The following RBM25 variants were observed in gnomAD, a reference collection of about 807,000 sequenced individuals.
The protein encoded by RBM25 is RNA binding motif protein 25, also known as RNA-binding protein 25.
Under a neutral mutation model 120.7 loss-of-function variants are expected in RBM25, and 19 were observed. The ratio of observed to expected loss-of-function variants is 0.16; its 90% confidence interval spans 0.11 to 0.23. RBM25 has a LOEUF of 0.23. Ranked by LOEUF, RBM25 falls within the 10% of genes least tolerant of loss-of-function variation. RBM25 has a pLI of 1.00. For synonymous variants in RBM25, 390 were observed against 326.7 expected (o/e 1.19, Z -2.09); for missense variants, 605 against 1,041.5 (o/e 0.58, Z 5.77).
intron 14 of RBM25, 109 bp downstream of exon 14, chr14:73,109,601 G>A (rs1896263059): frequency 2.0e-6 from 2 of 1,012,242 alleles, no homozygotes; most frequent in Non-Finnish European, 2.9e-6. Context: ...AGATCATCCT[G>A]GCTAACACGG....
Position 73,118,324 on chromosome 14 carries a change from A to G in RBM25, c.2440-1389A>G, listed in dbSNP as rs189313958. ...GACCCTGTCTCTACTAAAAAGCACA[A>G]AAATGTAGCCAGGAGTAGTGGTGCA... On this transcript the variant is annotated intron_variant, in intron 18 of 18. Transcript: ENST00000261973. Among the ~76,000 whole-genome samples, 129 of 152,150 alleles carry G rather than the reference A, an allele frequency of 8.5e-4. 1 individual carries two copies. Among genetic ancestry groups the G allele is most frequent in the East Asian group, 7.7e-4 (4 of 5,168 alleles).
rs1896549582 is a variant in RBM25, at chr14:73,122,133, T to C, written c.*2328T>C. The C allele has an allele frequency of 1.3e-5, 2 of 152,354 alleles. No individual in the cohort carries two copies. The highest frequency in any genetic ancestry group is 2.1e-4 in the South Asian group (1 of 4,828). 9.4% of individuals were successfully genotyped at this position (152,354 alleles called of 1,614,324 possible). A position where few individuals can be genotyped will look rare whatever the true frequency, so the allele number is the denominator to read the frequency against. Reference sequence around the variant, plus strand: ...TGAAAATACACATAAGAAATTTCTATTAAGTTGCTTGAACTTTGTGGGTTA... The same window carrying C: ...TGAAAATACACATAAGAAATTTCTACTAAGTTGCTTGAACTTTGTGGGTTA... On this transcript the variant is annotated 3_prime_UTR_variant, in exon 19 of 19. Transcript: ENST00000261973.
chr14:73,088,330 G>A (rs1895736707), intron 6 of RBM25, 169 bp downstream of exon 6: 1 of 863,112 alleles, frequency 1.2e-6, no homozygotes, highest in Non-Finnish European at 1.9e-6. Context: ...AGTCTTATCT[G>A]CCCATAGTGG....
At chr14:73,087,485 T>A (rs991678940) in intron 5 of RBM25, among the ~76,000 whole-genome samples, 7 of 149,772 alleles carry the variant, frequency 4.7e-5, no homozygotes, top group Admixed American at 1.4e-4. Flanking sequence ...AACCTCCGCC[T>A]CCTGGGTTCA....
chr14:73,085,863 A>G (rs1164392425), intron 5 of RBM25, among the ~76,000 whole-genome samples: 1 of 152,146 alleles, frequency 6.6e-6, no homozygotes, highest in Non-Finnish European at 1.5e-5. Flanking sequence ...TTTCTTTTGA[A>G]TTATTGTGAA....
At chr14:73,100,893 T>C (rs1896042790) in intron 9 of RBM25, 1 of 152,256 alleles carries the variant, frequency 6.6e-6, no homozygotes, top group Non-Finnish European at 1.5e-5. Flanking sequence ...TTTAGATGAA[T>C]AATTTTGGTT....
At chr14:73,114,128 G>A (rs1055053133) in intron 17 of RBM25, among the ~76,000 whole-genome samples, 158 bp from the exon 18 acceptor site, 14 of 151,764 alleles carry the variant, frequency 9.2e-5, no homozygotes, top group South Asian at 6.2e-4. Flanking sequence ...TGCCTCTTTC[G>A]TTGAAGAATG....
At chr14:73,098,096 A>G (rs1276365738) in intron 7 of RBM25, among the ~76,000 whole-genome samples, 3 of 152,106 alleles carry the variant, frequency 2.0e-5, no homozygotes, top group Non-Finnish European at 4.4e-5. Context: ...ACCCTTCTAT[A>G]AAGTAAGAAA....
intron 1 of RBM25, chr14:73,068,218 G>T: frequency 1.2e-6 from 1 of 858,818 alleles, no homozygotes; most frequent in Non-Finnish European, 2.0e-6. Context: ...TGTTTCCATT[G>T]ATACAGATGA....
In RBM25 at chr14:73,122,911, T is replaced by C. The variant is rs1896561227; in HGVS notation, c.*3106T>C. The C allele has an allele frequency of 6.6e-6, 1 of 152,220 alleles. No homozygotes were observed. Among genetic ancestry groups the C allele is most frequent in the South Asian group, 2.1e-4 (1 of 4,838 alleles). 9.4% of individuals were successfully genotyped at this position (152,220 alleles called of 1,614,324 possible). The stretch of plus-strand genomic sequence containing the variant: ...TATTATTTTATCCTAACAGACTACA[T>C]AAATGCAGCTGAATTTTCCTTTAAG... On this transcript the variant is annotated 3_prime_UTR_variant, in exon 19 of 19. Transcript: ENST00000261973.
intron 1 of RBM25, among the ~76,000 whole-genome samples, chr14:73,065,609 G>A (rs991389747): frequency 2.6e-5 from 4 of 151,926 alleles, no homozygotes; most frequent in Admixed American, 6.6e-5. Flanking sequence ...TATTAGATAC[G>A]GGGTTTCGCC....
intron 4 of RBM25, among the ~76,000 whole-genome samples, chr14:73,079,739 C>T (rs183396589): frequency 5.3e-5 from 8 of 150,844 alleles, no homozygotes; most frequent in Non-Finnish European, 1.0e-4. Flanking sequence ...ACTGGATCTC[C>T]TGGGCACTCT....
rs138409053 is a variant in RBM25 at position 73,097,233 on chromosome 14, C to G, written c.729+133C>G. 785 of 493,948 alleles carry G rather than the reference C, an allele frequency of 1.6e-3. 11 individuals carry two copies. The African/African-American group carries it at 0.028, about 17-fold the overall frequency. 30.6% of individuals were successfully genotyped at this position (493,948 alleles called of 1,614,324 possible). ...TTTTTTTTTTTGAGATGGAGGCTCACTTTGTCTCCCAGGCTGGAATGCAGT... is the reference window on the plus strand; with the variant it reads ...TTTTTTTTTTTGAGATGGAGGCTCAGTTTGTCTCCCAGGCTGGAATGCAGT... On this transcript the variant is annotated intron_variant, in intron 7 of 18. Transcript: ENST00000261973.
At chr14:73,096,446 T>G (rs1412386780) in intron 6 of RBM25, among the ~76,000 whole-genome samples, 1 of 152,108 alleles carries the variant, frequency 6.6e-6, no homozygotes, top group Non-Finnish European at 1.5e-5. Flanking sequence ...TGCAGTTTGG[T>G]ATATTTAGCA....
In RBM25 at chr14:73,109,336, T is replaced by G; in HGVS notation, c.1542-6T>G. On this transcript the variant is annotated splice_region_variant and splice_polypyrimidine_tract_variant and intron_variant, in intron 13 of 18. Transcript: ENST00000261973. ...AAATGAAGCCTTTTATCATTCACTTTTACAGAGGAAGTGCTCTTCAGAAAA... is the reference window on the plus strand; with the variant it reads ...AAATGAAGCCTTTTATCATTCACTTGTACAGAGGAAGTGCTCTTCAGAAAA... 1 of 1,611,218 alleles carries G rather than the reference T, an allele frequency of 6.2e-7. No homozygotes were observed. Among genetic ancestry groups the G allele is most frequent in the Non-Finnish European group, 8.5e-7 (1 of 1,178,720 alleles).
chr14:73,094,205 G>A (rs546615359), intron 6 of RBM25, among the ~76,000 whole-genome samples: 4 of 151,188 alleles, frequency 2.6e-5, no homozygotes, highest in East Asian at 3.9e-4. Flanking sequence ...TGCCTGCCTC[G>A]GCCTCCCAAA....
rs1294345456 is a variant in RBM25, at chr14:73,062,197, A to G, written c.-16+3492A>G. On this transcript the variant is annotated intron_variant, in intron 1 of 18. Coordinates refer to ENST00000261973, the MANE Select transcript of RBM25 (RefSeq NM_021239.3). The stretch of plus-strand genomic sequence containing the variant: ...AAGTGGCAATGTCAGAAAAAGATCA[A>G]CTCTTTTTTGGAGATTTCCAAACAA... Among the ~76,000 whole-genome samples, 4 of 150,918 alleles carry G rather than the reference A, an allele frequency of 2.7e-5. 1 individual carries two copies. Among genetic ancestry groups the G allele is most frequent in the African/African-American group, 4.9e-5 (2 of 41,208 alleles).
At chr14:73,117,208 T>C (rs1256020904) in intron 18 of RBM25, among the ~76,000 whole-genome samples, 6 of 114,808 alleles carry the variant, frequency 5.2e-5, no homozygotes, top group Middle Eastern at 4.6e-3. Flanking sequence ...CTTTCTTCTT[T>C]TCTTTTTTTT....
chr14:73,103,948 T>TCTCTCTCACACA (rs1594928335), intron 10 of RBM25, among the ~76,000 whole-genome samples: 42 of 91,392 alleles, frequency 4.6e-4, no homozygotes, highest in Non-Finnish European at 9.3e-4. Context: ...TCTCTCTCTC[T>TCTCTCTCACACA]CACACACACA....
Sources: allele counts gnomAD v4.1 joint callset (sites outside exome capture counted in the v4.1 genomes callset), GRCh38; gene constraint gnomAD v4.1.1; transcripts MANE v1.5; gene names NCBI Gene and HGNC (gene_info 2026-07-23, HGNC 2026-07-21).